Variants in HHIPL1 observed in about 807,000 individuals in gnomAD.
HHIPL1 encodes the protein HHIP-like protein 1.
A neutral mutation model predicts 61.8 loss-of-function variants in HHIPL1; 43 were observed. That is an observed-to-expected ratio of 0.70 (90% CI 0.55 to 0.90). HHIPL1 has a LOEUF of 0.90. Ranked by LOEUF, HHIPL1 falls within the 40% of genes least tolerant of loss-of-function variation. The pLI, the probability that HHIPL1 is intolerant of heterozygous loss-of-function variation, is 0.00. For missense variants in HHIPL1, 1,056 were observed against 1,157.7 expected, an observed-to-expected ratio of 0.91 and a Z score of 1.28; for synonymous variants, 482 against 515.8, an observed-to-expected ratio of 0.93 and a Z score of 0.89.
At chr14:99,629,225 T>C in the HHIPL1 span, among the ~76,000 whole-genome samples, 4 of 152,220 alleles carry the variant, frequency 2.6e-5, no homozygotes, top group African/African-American at 7.2e-5. Flanking sequence ...TCCAGGGGAC[T>C]GTTTCATATC....
In HHIPL1 at chr14:99,676,701, C is replaced by CTCT. The variant is rs568660345; in HGVS notation, c.*1075_*1076insTCT. 5 of 152,416 alleles carry CTCT rather than the reference C, an allele frequency of 3.3e-5. No individual in the cohort carries two copies. Among genetic ancestry groups the CTCT allele is most frequent in the African/African-American group, 1.2e-4 (5 of 41,584 alleles). 9.4% of individuals were successfully genotyped at this position (152,416 alleles called of 1,614,324 possible). On this transcript the variant is annotated 3_prime_UTR_variant, in exon 9 of 9. Coordinates refer to ENST00000330710, the MANE Select transcript of HHIPL1 (RefSeq NM_001127258.3). ...TTTCCTGCCTCCTCTCTGACCTGCACCTGTGTGGGAGCCGGGGTGGGAACC... is the reference window on the plus strand; with the variant it reads ...TTTCCTGCCTCCTCTCTGACCTGCACTCTCTGTGTGGGAGCCGGGGTGGGAACC...
chr14:99,662,245 C>G (rs1378377356), intron 5 of HHIPL1, among the ~76,000 whole-genome samples: 2 of 152,112 alleles, frequency 1.3e-5, no homozygotes, highest in African/African-American at 2.4e-5. Flanking sequence ...TGTCGGGGAG[C>G]CCAGCATGGG....
the HHIPL1 span, among the ~76,000 whole-genome samples, chr14:99,636,239 C>A: frequency 4.6e-5 from 7 of 151,348 alleles, no homozygotes; most frequent in Non-Finnish European, 1.0e-4. Context: ...CCGTGTATGA[C>A]CCCTGGAGAC....
At chr14:99,638,399 G>A in the HHIPL1 span, among the ~76,000 whole-genome samples, 4 of 152,170 alleles carry the variant, frequency 2.6e-5, no homozygotes, top group Admixed American at 6.5e-5. Flanking sequence ...TAGAAGGGAC[G>A]CAAAACCATG....
chr14:99,617,875 T>G, the HHIPL1 span, among the ~76,000 whole-genome samples: 1 of 152,130 alleles, frequency 6.6e-6, no homozygotes, highest in African/African-American at 2.4e-5. Flanking sequence ...GCCTGCAAGG[T>G]GGGCAGGGAT....
At chr14:99,644,849 A>G (rs1411999693), upstream of HHIPL1, among the ~76,000 whole-genome samples, 1 of 152,192 alleles carries the variant, frequency 6.6e-6, no homozygotes, top group Non-Finnish European at 1.5e-5. Context: ...GTGGAACCGA[A>G]GCCCAGGAGT....
chr14:99,669,858 G>A (rs555687613), intron 7 of HHIPL1, among the ~76,000 whole-genome samples: 2 of 152,304 alleles, frequency 1.3e-5, no homozygotes, highest in South Asian at 2.1e-4. Context: ...TCAGGAGGTC[G>A]AGGCTGCAGT....
At chr14:99,633,462 C>T in the HHIPL1 span, among the ~76,000 whole-genome samples, 1 of 152,144 alleles carries the variant, frequency 6.6e-6, no homozygotes, top group Admixed American at 6.5e-5. Flanking sequence ...TGTCACAGCC[C>T]ATGGAGTGTG....
chr14:99,659,011 A>G (rs2056095999), intron 3 of HHIPL1, among the ~76,000 whole-genome samples: 1 of 152,150 alleles, frequency 6.6e-6, no homozygotes, highest in Non-Finnish European at 1.5e-5. Flanking sequence ...TGTGTGGTAA[A>G]GAGCTTGAGT....
the HHIPL1 span, among the ~76,000 whole-genome samples, chr14:99,623,010 AG>A: frequency 1.2e-4 from 19 of 152,260 alleles, no homozygotes; most frequent in African/African-American, 4.6e-4. Flanking sequence ...TGGAACTGCC[AG>A]GAAGGGCAGC....
the HHIPL1 span, among the ~76,000 whole-genome samples, chr14:99,637,054 GGAAGGAAAA>G: frequency 3.3e-4 from 19 of 57,890 alleles, no homozygotes; most frequent in African/African-American, 1.0e-3. Flanking sequence ...AAAGAAGGAA[GGAAGGAAAA>G]AAGAAAGAAA....
At chr14:99,622,462 T>C in the HHIPL1 span, among the ~76,000 whole-genome samples, 2 of 152,202 alleles carry the variant, frequency 1.3e-5, no homozygotes, top group East Asian at 1.9e-4. Flanking sequence ...ACAACTGTCA[T>C]CTGTCACATG....
chr14:99,620,745 G>A, the HHIPL1 span, among the ~76,000 whole-genome samples: 1 of 152,234 alleles, frequency 6.6e-6, no homozygotes. Flanking sequence ...CTGAGCCTAA[G>A]GGCCACTCTC....
At chr14:99,604,708 C>G in the HHIPL1 span, 1 of 152,176 alleles carries the variant, frequency 6.6e-6, no homozygotes, top group African/African-American at 2.4e-5. Flanking sequence ...CCCTCCCCGG[C>G]CCGCGTCCCC....
At chr14:99,673,463 C>T (rs1018446881) in intron 8 of HHIPL1, among the ~76,000 whole-genome samples, 10 of 142,076 alleles carry the variant, frequency 7.0e-5, no homozygotes, top group African/African-American at 1.3e-4. Flanking sequence ...TGCCAGGTAC[C>T]GTGAGGACCC....
Position 99,676,959 on chromosome 14 carries a change from C to A in HHIPL1, c.*1333C>A, listed in dbSNP as rs2140100523. 1 of 150,638 alleles carries A rather than the reference C, an allele frequency of 6.6e-6. No homozygotes were observed. The highest frequency in any genetic ancestry group is 2.0e-4 in the East Asian group (1 of 5,086). 9.3% of individuals were successfully genotyped at this position (150,638 alleles called of 1,614,324 possible). A position where few individuals can be genotyped will look rare whatever the true frequency, so the allele number is the denominator to read the frequency against. ...TTGGAAGAGGTCTGGGTGGGGCACCCAAACCCAACCTATGGGGGGGCTTTG... is the reference window on the plus strand; with the variant it reads ...TTGGAAGAGGTCTGGGTGGGGCACCAAAACCCAACCTATGGGGGGGCTTTG... On this transcript the variant is annotated 3_prime_UTR_variant, in exon 9 of 9. Transcript: ENST00000330710.
chr14:99,646,822 GATATGATATGATATAATATAATATA>G lies in HHIPL1; in HGVS notation c.255+1365_255+1389del, dbSNP rs1254827100. 8.6e-4 allele frequency among the ~76,000 whole-genome samples: 77 copies of G among 89,466 alleles called. 1 individual carries two copies. The highest frequency in any genetic ancestry group is 2.6e-3 in the African/African-American group (62 of 23,782). The allele number at this position is 89,466 out of a possible 152,430, so 58.7% of individuals were successfully genotyped here. A position where few individuals can be genotyped will look rare whatever the true frequency, so the allele number is the denominator to read the frequency against. On this transcript the variant is annotated intron_variant, in intron 1 of 8. Transcript: ENST00000330710. ...GATATGATATGATATGATATGATAT[GATATGATATGATATAATATAATATA>G]ATATAATATAATATGATATAATATG...
chr14:99,645,102 C>T, upstream of HHIPL1: 2 of 1,049,086 alleles, frequency 1.9e-6, no homozygotes, highest in Non-Finnish European at 2.4e-6. Flanking sequence ...ACTCGAGGCC[C>T]TGCGTGTAGG....
At chr14:99,669,355 G>C in intron 7 of HHIPL1, 2 of 1,000,768 alleles carry the variant, frequency 2.0e-6, no homozygotes, top group Non-Finnish European at 2.4e-6. Context: ...CACTGGGTAC[G>C]GACACAGCTT....
Sources: allele counts gnomAD v4.1 joint callset (sites outside exome capture counted in the v4.1 genomes callset), GRCh38; gene constraint gnomAD v4.1.1; transcripts MANE v1.5; gene names NCBI Gene and HGNC (gene_info 2026-07-23, HGNC 2026-07-21).